NAV2: variants seen among roughly 807,000 people sequenced by gnomAD.
NAV2 encodes the protein helicase, APC down-regulated 1.
Under a neutral mutation model 223.2 loss-of-function variants are expected in NAV2, and 54 were observed. The ratio of observed to expected loss-of-function variants is 0.24; its 90% CI spans 0.19 to 0.30. The LOEUF (loss-of-function observed/expected upper bound fraction) is 0.30. Ranked by LOEUF, NAV2 falls within the 10% of genes least tolerant of loss-of-function variation. NAV2 has a pLI of 1.00. For synonymous variants in NAV2, 1,279 were observed against 1,239.3 expected (o/e 1.03, Z -0.67); for missense variants, 2,806 against 3,147.5 (o/e 0.89, Z 2.60).
intron 1 of NAV2, among the ~76,000 whole-genome samples, chr11:19,704,387 A>G (rs918978801): frequency 6.6e-6 from 1 of 152,154 alleles, no homozygotes; most frequent in Non-Finnish European, 1.5e-5. Flanking sequence ...TATCATTTCC[A>G]TGCTTATCAT....
chr11:19,831,205 C>T (rs951400134), intron 1 of NAV2, among the ~76,000 whole-genome samples: 3 of 102,108 alleles, frequency 2.9e-5, no homozygotes, highest in African/African-American at 1.3e-4. Flanking sequence ...GGCTCCTGTT[C>T]CCATTCCAGG....
intron 1 of NAV2, among the ~76,000 whole-genome samples, chr11:19,575,705 G>A (rs2045552857): frequency 6.6e-6 from 1 of 152,198 alleles, no homozygotes; most frequent in South Asian, 2.1e-4. Flanking sequence ...TCTATATTGT[G>A]TTGGGGAGAC....
At chr11:19,360,068 T>C (rs1482951367) in intron 1 of NAV2, among the ~76,000 whole-genome samples, 1 of 152,234 alleles carries the variant, frequency 6.6e-6, no homozygotes, top group Non-Finnish European at 1.5e-5. Flanking sequence ...TTGTTGTGCC[T>C]AGAAACTGAC....
intron 4 of NAV2, among the ~76,000 whole-genome samples, chr11:19,870,378 G>A: frequency 6.6e-6 from 1 of 152,112 alleles, no homozygotes; most frequent in South Asian, 2.1e-4. Flanking sequence ...CTAGTTTCTG[G>A]GAGTGCTTGA....
At chr11:19,390,306 T>C (rs1400411449) in intron 1 of NAV2, among the ~76,000 whole-genome samples, 1 of 152,172 alleles carries the variant, frequency 6.6e-6, no homozygotes, top group African/African-American at 2.4e-5. Flanking sequence ...GTTTCTCAAG[T>C]CTTTTCAAGC....
intron 11 of NAV2, among the ~76,000 whole-genome samples, chr11:20,009,240 T>C (rs777687434): frequency 2.8e-4 from 43 of 152,222 alleles, no homozygotes; most frequent in Admixed American, 4.6e-4. Flanking sequence ...CTGAGCTTAC[T>C]TACTCAAATT....
At chr11:20,101,436 A>G (rs1261005254) in intron 32 of NAV2, among the ~76,000 whole-genome samples, 1 of 152,336 alleles carries the variant, frequency 6.6e-6, no homozygotes, top group East Asian at 1.9e-4. Context: ...AGAATTTATC[A>G]TGTGCGTACT....
intron 1 of NAV2, among the ~76,000 whole-genome samples, chr11:19,533,006 G>C (rs1488293071): frequency 2.0e-5 from 3 of 152,198 alleles, no homozygotes; most frequent in Non-Finnish European, 2.9e-5. Flanking sequence ...TCCACACATA[G>C]TGGTACTGAA....
At chr11:20,082,906 A>T (rs190114024) in intron 25 of NAV2, 101 bp from the exon 26 acceptor site, 1 of 1,149,466 alleles carries the variant, frequency 8.7e-7, no homozygotes, top group Non-Finnish European at 1.2e-6. Flanking sequence ...GGGGGGAAAA[A>T]CATGGGAGAA....
intron 6 of NAV2, among the ~76,000 whole-genome samples, chr11:19,923,095 T>TCCCACA (rs2044421410): frequency 6.6e-6 from 1 of 152,162 alleles, no homozygotes; most frequent in Admixed American, 6.5e-5. Context: ...TTTTACTAGA[T>TCCCACA]TATAACATCA....
At chr11:19,861,829 T>A (rs756762890) in intron 3 of NAV2, among the ~76,000 whole-genome samples, 1 of 152,234 alleles carries the variant, frequency 6.6e-6, no homozygotes, top group Non-Finnish European at 1.5e-5. Flanking sequence ...GGATACTGAT[T>A]GAATGCACAC....
intron 1 of NAV2, among the ~76,000 whole-genome samples, chr11:19,623,186 C>T (rs1326126372): frequency 6.6e-6 from 1 of 152,162 alleles, no homozygotes; most frequent in Non-Finnish European, 1.5e-5. Context: ...TTCTTTCTGG[C>T]TGCCCTTAAC....
chr11:19,356,264 GTA>G (rs1045564469), intron 1 of NAV2, among the ~76,000 whole-genome samples: 11 of 152,332 alleles, frequency 7.2e-5, no homozygotes, highest in Admixed American at 6.5e-4. Flanking sequence ...CCTGACTCAG[GTA>G]TAGGGTCAGG....
intron 4 of NAV2, among the ~76,000 whole-genome samples, chr11:19,878,593 A>T (rs1591029955): frequency 6.6e-6 from 1 of 152,158 alleles, no homozygotes; most frequent in East Asian, 1.9e-4. Context: ...TAGCTCCCAA[A>T]GTAGGGTGTG....
At chr11:20,023,018 G>T (rs1451002272) in intron 11 of NAV2, 9 of 1,527,186 alleles carry the variant, frequency 5.9e-6, no homozygotes, top group Non-Finnish European at 8.0e-6. Flanking sequence ...CCCAGTGTGG[G>T]CTGGCTCAGC....
At position 20,118,265 on chromosome 11, in the gene NAV2, C is replaced by T. The variant is rs2063298481; in HGVS notation, c.*7C>T. 1 of 1,613,538 alleles carries T rather than the reference C, an allele frequency of 6.2e-7. No individual in the cohort carries two copies. Among genetic ancestry groups the T allele is most frequent in the South Asian group, 1.1e-5 (1 of 91,052 alleles). ...TTTGGAGTCCACTCTGTGACAGGGG[C>T]CCGGAGCCCAGCGCCCTCCTCTTCT... On this transcript the variant is annotated 3_prime_UTR_variant, in exon 38 of 38. Transcript: ENST00000349880.
chr11:19,597,751 G>A (rs1233094387), intron 1 of NAV2, among the ~76,000 whole-genome samples: 2 of 152,238 alleles, frequency 1.3e-5, no homozygotes, highest in African/African-American at 4.8e-5. Flanking sequence ...GTCTAAACAA[G>A]TGGGCATTTT....
At chr11:20,073,538 A>C (rs1179457975) in intron 22 of NAV2, among the ~76,000 whole-genome samples, 2 of 152,062 alleles carry the variant, frequency 1.3e-5, no homozygotes, top group Non-Finnish European at 2.9e-5. Flanking sequence ...ACCTCTGGTA[A>C]AATTTGGATG....
At position 19,528,415 on chromosome 11, in the gene NAV2, C is replaced by T. The variant is rs531821145; in HGVS notation, c.75+177388C>T. On this transcript the variant is annotated intron_variant, in intron 1 of 37. Coordinates refer to the NAV2 transcript ENST00000360655. ...ACAGTGCGCCATGTCTCTTATTTTT[C>T]ATCCTTTACTGAAACTGCAGGTGAG... is the stretch of plus-strand genomic sequence containing the variant. 1.2e-4 allele frequency among the ~76,000 whole-genome samples: 19 copies of T among 152,246 alleles called. No homozygotes were observed. In the East Asian group the frequency reaches 3.5e-3, roughly 28 times the overall value.
Sources: allele counts gnomAD v4.1 joint callset (sites outside exome capture counted in the v4.1 genomes callset), GRCh38; gene constraint gnomAD v4.1.1; transcripts MANE v1.5; gene names NCBI Gene and HGNC (gene_info 2026-07-23, HGNC 2026-07-21).